The following CYTH1 variants were observed in gnomAD, a reference collection of about 807,000 sequenced individuals.
The protein encoded by CYTH1 is cytohesin 1.
In CYTH1, 18 loss-of-function variants were observed where a neutral mutation model predicts 61.8. That is an observed-to-expected ratio of 0.29 (90% confidence interval 0.20 to 0.43). The LOEUF is 0.43. CYTH1 is among the 20% of genes least tolerant of loss of function. The pLI, the probability that CYTH1 is intolerant of heterozygous loss-of-function variation, is 1.00. For synonymous variants in CYTH1, 174 were observed against 184.3 expected (o/e 0.94, Z 0.45); for missense variants, 336 against 510.5 (o/e 0.66, Z 3.29).
At chr17:78,754,766 C>T (rs771979174) in intron 1 of CYTH1, among the ~76,000 whole-genome samples, 1 of 152,110 alleles carries the variant, frequency 6.6e-6, no homozygotes, top group Non-Finnish European at 1.5e-5. Flanking sequence ...AAATAACATA[C>T]TTATAAAAAT....
intron 8 of CYTH1, 104 bp downstream of exon 8, chr17:78,698,716 G>T: frequency 7.6e-7 from 1 of 1,311,462 alleles, no homozygotes; most frequent in South Asian, 1.6e-5. Flanking sequence ...TAAAAGAGGA[G>T]ACCCTTGATA....
At chr17:78,768,377 T>C (rs1415938918) in intron 1 of CYTH1, among the ~76,000 whole-genome samples, 1 of 152,186 alleles carries the variant, frequency 6.6e-6, no homozygotes, top group Non-Finnish European at 1.5e-5. Context: ...GTTGATCATC[T>C]CTGGAGTTGC....
rs374614700 is a variant in CYTH1, at chr17:78,758,235, T to C, written c.22+23967A>G. On this transcript the variant is annotated intron_variant, in intron 1 of 13. Transcript: ENST00000446868. ...GATTAATTAAACTATGCTCCATCTA[T>C]ATCATGCTGCCTTTGGCCGAGGCCC... is the stretch of plus-strand genomic sequence containing the variant. Among the ~76,000 whole-genome samples the C allele has an allele frequency of 2.2e-4, 34 of 152,356 alleles. No homozygotes were observed. The East Asian group carries it at 3.5e-3, about 16-fold the overall frequency.
intron 1 of CYTH1, among the ~76,000 whole-genome samples, chr17:78,753,954 G>A (rs1219174614): frequency 6.6e-6 from 1 of 151,956 alleles, no homozygotes; most frequent in Non-Finnish European, 1.5e-5. Flanking sequence ...TTTTTAAAAT[G>A]ATTCACCACT....
intron 11 of CYTH1, among the ~76,000 whole-genome samples, chr17:78,692,185 C>T (rs2092894019): frequency 6.6e-6 from 1 of 152,208 alleles, no homozygotes; most frequent in African/African-American, 2.4e-5. Flanking sequence ...TCCTGTCCCA[C>T]CAGAACCGGG....
chr17:78,750,584 G>A (rs544062767), intron 1 of CYTH1, among the ~76,000 whole-genome samples: 1 of 152,100 alleles, frequency 6.6e-6, no homozygotes, highest in Non-Finnish European at 1.5e-5. Flanking sequence ...CTAGGCGGGT[G>A]GATCACGAGG....
chr17:78,692,159 C>T (rs556857814), intron 11 of CYTH1, among the ~76,000 whole-genome samples: 2 of 152,350 alleles, frequency 1.3e-5, no homozygotes, highest in African/African-American at 4.8e-5. Flanking sequence ...GCTCCCCCTC[C>T]TCCAGGCCAG....
intron 1 of CYTH1, among the ~76,000 whole-genome samples, chr17:78,781,900 G>A (rs1319351622): frequency 6.7e-6 from 1 of 150,338 alleles, no homozygotes; most frequent in East Asian, 2.0e-4. Flanking sequence ...ATTCCTCAGA[G>A]CTCGCGGCGA....
intron 1 of CYTH1, among the ~76,000 whole-genome samples, chr17:78,726,354 TA>T (rs1442199005): frequency 6.6e-6 from 1 of 152,034 alleles, no homozygotes; most frequent in East Asian, 1.9e-4. Flanking sequence ...AACAATCTTT[TA>T]AAAAGTTCAC....
At chr17:78,692,297 C>G in intron 11 of CYTH1, 120 bp downstream of exon 11, 1 of 996,650 alleles carries the variant, frequency 1.0e-6, no homozygotes, top group Non-Finnish European at 1.6e-6. Flanking sequence ...AACTCTCCCC[C>G]ATCCCCCACA....
intron 1 of CYTH1, among the ~76,000 whole-genome samples, chr17:78,757,116 T>C (rs1418731248): frequency 1.3e-5 from 2 of 151,742 alleles, no homozygotes; most frequent in African/African-American, 4.9e-5. Context: ...CCCAGCTAAT[T>C]TTTTCATACT....
At chr17:78,680,429 T>C in intron 12 of CYTH1, 85 bp from the exon 13 acceptor site, 2 of 1,424,268 alleles carry the variant, frequency 1.4e-6, no homozygotes, top group South Asian at 2.8e-5. Context: ...CCAAAACCCC[T>C]TTCTTCTGAC....
chr17:78,698,158 CACACGCACAA>C (rs1352094836), intron 9 of CYTH1, 101 bp downstream of exon 9: 4 of 890,986 alleles, frequency 4.5e-6, no homozygotes, highest in East Asian at 2.4e-5. Context: ...CGCACACATG[CACACGCACAA>C]ACACGCACAC....
At chr17:78,721,553 G>A (rs1284171906) in intron 1 of CYTH1, among the ~76,000 whole-genome samples, 2 of 152,170 alleles carry the variant, frequency 1.3e-5, no homozygotes, top group South Asian at 2.1e-4. Flanking sequence ...ACTGCATTCT[G>A]CATTTTCAGG....
At chr17:78,741,199 A>G (rs2093340601) in intron 1 of CYTH1, among the ~76,000 whole-genome samples, 1 of 152,136 alleles carries the variant, frequency 6.6e-6, no homozygotes, top group Non-Finnish European at 1.5e-5. Flanking sequence ...CCCTCCAGCA[A>G]TAGATTAGGT....
intron 1 of CYTH1, among the ~76,000 whole-genome samples, chr17:78,722,534 C>T (rs1342966128): frequency 1.3e-5 from 2 of 152,186 alleles, no homozygotes; most frequent in East Asian, 3.9e-4. Context: ...AGCTGCCACT[C>T]CCCGTGCCTG....
At chr17:78,740,957 A>C (rs1435742263) in intron 1 of CYTH1, among the ~76,000 whole-genome samples, 1 of 152,176 alleles carries the variant, frequency 6.6e-6, no homozygotes, top group Non-Finnish European at 1.5e-5. Context: ...ACATTACAAA[A>C]CCAGAACAAT....
chr17:78,723,646 CG>C (rs369362572), intron 1 of CYTH1: 5 of 152,660 alleles, frequency 3.3e-5, no homozygotes, highest in South Asian at 2.1e-4. Flanking sequence ...CCCGGCCTCC[CG>C]GGGGGGAGGG....
At chr17:78,773,830 T>C (rs1394299466) in intron 1 of CYTH1, among the ~76,000 whole-genome samples, 1 of 152,168 alleles carries the variant, frequency 6.6e-6, no homozygotes, top group Non-Finnish European at 1.5e-5. Flanking sequence ...CAGTCAAAAC[T>C]GATACACATT....
Sources: gnomAD v4.1 joint callset for allele counts (sites outside exome capture counted in the v4.1 genomes callset) on GRCh38, gnomAD v4.1.1 for gene constraint, MANE v1.5 for transcripts, NCBI Gene and HGNC (gene_info 2026-07-23, HGNC 2026-07-21) for gene names.